The following ADGRB1 variants were observed in gnomAD, a reference collection of about 807,000 sequenced individuals.
ADGRB1 encodes the protein adhesion G protein-coupled receptor B1.
ADGRB1 carries 36 observed loss-of-function variants against 175.7 expected under a neutral mutation model. The observed-to-expected ratio is 0.20, with a 90% CI of 0.16 to 0.27. The LOEUF (loss-of-function observed/expected upper bound fraction) is 0.27. Ranked by LOEUF, ADGRB1 falls within the 10% of genes least tolerant of loss-of-function variation. ADGRB1 has a pLI of 1.00. For synonymous variants in ADGRB1, 1,054 were observed against 979.4 expected, an observed-to-expected ratio of 1.08 and a Z score of -1.42; for missense variants, 1,731 against 2,255.3, an observed-to-expected ratio of 0.77 and a Z score of 4.71.
chr8:142,460,308 A>G (rs1198363528), intron 1 of ADGRB1, among the ~76,000 whole-genome samples: 2 of 152,200 alleles, frequency 1.3e-5, no homozygotes, highest in African/African-American at 2.4e-5. Context: ...TGGCAGGCTC[A>G]GGGGCCATCA....
At chr8:142,519,900 G>A (rs559170040) in intron 19 of ADGRB1, among the ~76,000 whole-genome samples, 1 of 149,098 alleles carries the variant, frequency 6.7e-6, no homozygotes, top group Admixed American at 6.7e-5. Flanking sequence ...GGTTGTGTTG[G>A]TGTTGGTGGT....
Position 142,537,034 on chromosome 8 carries a change from C to T in ADGRB1, c.3618C>T (p.Gly1206=). The T allele has an allele frequency of 1.3e-6, 2 of 1,589,444 alleles. No individual in the cohort carries two copies. The highest frequency in any genetic ancestry group is 2.3e-5 in the South Asian group (2 of 87,390). The stretch of plus-strand genomic sequence containing the variant: ...GTGTGGTTGACCGGCAGGAGGAGGG[C>T]AACGGGGACTCAGGGGGCTCCTTCC... ...KCRVVDRQEE[G]NGDSGGSFQN... is the part of the protein sequence containing the mutation. Residue 1206 remains glycine, a synonymous_variant, in exon 26 of 31, where the codon GGC becomes GGT. Transcript: ENST00000517894. This position sits in a 1 kb window ranked among gnomAD's most constrained non-coding sequence, Gnocchi z 4.6.
At position 142,479,342 on chromosome 8, in the gene ADGRB1, C is replaced by A; in HGVS notation, c.1581C>A (p.Ala527=). The change falls in exon 8 of 31, where the codon GCC becomes GCA. Residue 527 remains alanine, a synonymous_variant. Transcript: ENST00000517894. ...QQCPVDGKWQ[A]WASWGSCSVT... is the part of the protein sequence containing the mutation. Reference sequence around the variant, plus strand: ...CCGCAGTGGATGGCAAGTGGCAGGCCTGGGCGTCATGGGGCAGTTGCAGCG... The same window carrying A: ...CCGCAGTGGATGGCAAGTGGCAGGCATGGGCGTCATGGGGCAGTTGCAGCG... The A allele has an allele frequency of 6.6e-7, 1 of 1,524,658 alleles. No individual in the cohort carries two copies. 94.4% of individuals were successfully genotyped at this position (1,524,658 alleles called of 1,614,324 possible).
chr8:142,524,201 G>A, intron 22 of ADGRB1, 37 bp from the exon 23 acceptor site: 2 of 1,583,832 alleles, frequency 1.3e-6, no homozygotes, highest in Non-Finnish European at 1.7e-6. Context: ...ACGCCCCTCT[G>A]CACACGGGCG....
Position 142,455,497 on chromosome 8 carries a change from G to T in ADGRB1, c.-220+5393G>T, listed in dbSNP as rs186618793. 6.6e-6 allele frequency among the ~76,000 whole-genome samples: 1 copy of T among 152,180 alleles called. No individual in the cohort carries two copies. Among genetic ancestry groups the T allele is most frequent in the Non-Finnish European group, 1.5e-5 (1 of 68,030 alleles). ...TTGCCTTCCTGGGAGAGGAGCATGC[G>T]GCAGGCTGGTCCCCTGCAGCCCACC... On this transcript the variant is annotated intron_variant, in intron 1 of 30. Transcript: ENST00000517894. This position sits in a 1 kb window ranked among gnomAD's most constrained non-coding sequence, Gnocchi z 4.9.
chr8:142,510,432 C>G lies in ADGRB1; in HGVS notation c.2676-500C>G, dbSNP rs1380675291. On this transcript the variant is annotated intron_variant, in intron 17 of 30. Transcript: ENST00000517894. This position sits in a 1 kb window ranked among gnomAD's most constrained non-coding sequence, Gnocchi z 6.3. Reference sequence around the variant, plus strand: ...CAGCCGGCGCCCTGGGCCGCGGGGCCGGAGAGCTCCGGAGCGGACCCTCGC... The same window carrying G: ...CAGCCGGCGCCCTGGGCCGCGGGGCGGGAGAGCTCCGGAGCGGACCCTCGC... 6.6e-6 allele frequency among the ~76,000 whole-genome samples: 1 copy of G among 151,804 alleles called. No individual in the cohort carries two copies. The highest frequency in any genetic ancestry group is 1.5e-5 in the Non-Finnish European group (1 of 67,866).
intron 17 of ADGRB1, among the ~76,000 whole-genome samples, chr8:142,491,309 T>C (rs1432721669): frequency 1.3e-5 from 2 of 152,152 alleles, no homozygotes; most frequent in African/African-American, 4.8e-5. Flanking sequence ...GGCCAAGCAC[T>C]TGTTGGGTGC....
intron 18 of ADGRB1, among the ~76,000 whole-genome samples, chr8:142,516,612 G>T (rs1447121968): frequency 6.9e-6 from 1 of 145,572 alleles, no homozygotes; most frequent in Non-Finnish European, 1.5e-5. Flanking sequence ...CCACAGGTGT[G>T]TGTGTGTGTG....
At chr8:142,471,300 C>G (rs969140556) in intron 2 of ADGRB1, among the ~76,000 whole-genome samples, 5 of 152,230 alleles carry the variant, frequency 3.3e-5, no homozygotes, top group Non-Finnish European at 7.3e-5. Flanking sequence ...ACGCACCCCA[C>G]GCCCGCCTGG....
chr8:142,479,314 G>T lies in ADGRB1; in HGVS notation c.1562-9G>T. ...TCGCCTGTGCCCTGTGTCTGGCCAC[G>T]CCCCGCAGTGGATGGCAAGTGGCAG... is the stretch of plus-strand genomic sequence containing the variant. On this transcript the variant is annotated splice_polypyrimidine_tract_variant and intron_variant, in intron 7 of 30. Coordinates refer to ENST00000517894, the MANE Select transcript of ADGRB1 (RefSeq NM_001702.3). 6.7e-7 allele frequency: 1 copy of T among 1,489,232 alleles called. No homozygotes were observed. The highest frequency in any genetic ancestry group is 1.4e-5 in the South Asian group (1 of 72,168). The allele number at this position is 1,489,232 out of a possible 1,614,324, so 92.3% of individuals were successfully genotyped here. A position where few individuals can be genotyped will look rare whatever the true frequency, so the allele number is the denominator to read the frequency against.
intron 17 of ADGRB1, among the ~76,000 whole-genome samples, chr8:142,496,188 G>A (rs1842207106): frequency 6.6e-6 from 1 of 151,668 alleles, no homozygotes; most frequent in South Asian, 2.1e-4. Flanking sequence ...TGAATGTGTG[G>A]ATGGAGGTAT....
chr8:142,501,676 T>C (rs1242011623), intron 17 of ADGRB1, among the ~76,000 whole-genome samples: 8 of 108,036 alleles, frequency 7.4e-5, no homozygotes, highest in South Asian at 3.9e-4. Context: ...GTGATGTTTG[T>C]GTGGTTTTGA....
rs531588665 is a variant in ADGRB1 at position 142,451,942 on chromosome 8, T to C, written c.-220+1838T>C. ...CGCCGGGGTGCCGCCGAGTCCGGCT[T>C]TGAGTACCCAGCAAGGTCAAGCAGG... On this transcript the variant is annotated intron_variant, in intron 1 of 30. Transcript: ENST00000517894. 2.6e-5 allele frequency among the ~76,000 whole-genome samples: 4 copies of C among 152,194 alleles called. No individual in the cohort carries two copies. In the South Asian group the frequency reaches 8.3e-4, roughly 32 times the overall value.
intron 13 of ADGRB1, 116 bp from the exon 14 acceptor site, chr8:142,488,248 C>T: frequency 1.4e-6 from 2 of 1,418,122 alleles, no homozygotes; most frequent in Non-Finnish European, 1.9e-6. Context: ...GCCATGGGCA[C>T]CCCGCGGCAT....
Position 142,492,923 on chromosome 8 carries a change from C to G in ADGRB1, c.2675+2108C>G, listed in dbSNP as rs1411564803. On this transcript the variant is annotated intron_variant, in intron 17 of 30. Coordinates refer to ENST00000517894, the MANE Select transcript of ADGRB1 (RefSeq NM_001702.3). The surrounding 1 kb of genome is among the most constrained non-coding windows in gnomAD (Gnocchi z 4.4). ...ACAGTGCAGAAACCCTCCATCCGGG[C>G]TGTTCGCCGGCCGCGGCAGCTCTCG... Among the ~76,000 whole-genome samples the G allele has an allele frequency of 6.6e-6, 1 of 152,024 alleles. No individual in the cohort carries two copies. Among genetic ancestry groups the G allele is most frequent in the Non-Finnish European group, 1.5e-5 (1 of 67,996 alleles).
chr8:142,533,331 G>C lies in ADGRB1; in HGVS notation c.3435G>C (p.Leu1145=). ...SLWSSCVVLP[L]LALTWMSAVL... is the part of the protein sequence containing the mutation. ...GGAGCTCCTGCGTGGTGCTGCCGCT[G>C]CTGGCGCTGACCTGGATGTCGGCTG... Residue 1145 remains leucine (L), a synonymous_variant, in exon 25 of 31, where the codon CTG becomes CTC. Coordinates refer to ENST00000517894, the MANE Select transcript of ADGRB1 (RefSeq NM_001702.3). 6.3e-7 allele frequency: 1 copy of C among 1,580,234 alleles called. No individual in the cohort carries two copies. Among genetic ancestry groups the C allele is most frequent in the Non-Finnish European group, 8.6e-7 (1 of 1,166,306 alleles).
chr8:142,518,629 C>T (rs906031308), intron 19 of ADGRB1, among the ~76,000 whole-genome samples: 1 of 152,256 alleles, frequency 6.6e-6, no homozygotes, highest in African/African-American at 2.4e-5. Context: ...CACCCCAAAC[C>T]CCCTTTCCCC....
At position 142,493,722 on chromosome 8, in the gene ADGRB1, T is replaced by C. The variant is rs780154977; in HGVS notation, c.2675+2907T>C. 6.6e-6 allele frequency among the ~76,000 whole-genome samples: 1 copy of C among 152,232 alleles called. No homozygotes were observed. Among genetic ancestry groups the C allele is most frequent in the African/African-American group, 2.4e-5 (1 of 41,468 alleles). On this transcript the variant is annotated intron_variant, in intron 17 of 30. Coordinates refer to ENST00000517894, the MANE Select transcript of ADGRB1 (RefSeq NM_001702.3). The surrounding 1 kb of genome is among the most constrained non-coding windows in gnomAD (Gnocchi z 5.0). Reference sequence around the variant, plus strand: ...TCCCGCTGAAAGCACAGCGCAGTGATCGAGGCCTTCTGCTCTGGAACTGGG... The same window carrying C: ...TCCCGCTGAAAGCACAGCGCAGTGACCGAGGCCTTCTGCTCTGGAACTGGG...
chr8:142,501,330 G>A (rs1323386368), intron 17 of ADGRB1, among the ~76,000 whole-genome samples: 6 of 142,938 alleles, frequency 4.2e-5, no homozygotes, highest in African/African-American at 7.7e-5. Flanking sequence ...TGATGATGAC[G>A]GTGGTGGTGG....
Sources: gnomAD v4.1 joint callset for allele counts (sites outside exome capture counted in the v4.1 genomes callset) on GRCh38, gnomAD v4.1.1 for gene constraint, Gnocchi (gnomAD v3.1) non-coding constraint, MANE v1.5 for transcripts, NCBI Gene and HGNC (gene_info 2026-07-23, HGNC 2026-07-21) for gene names.